FHOD3: variants seen among roughly 807,000 people sequenced by gnomAD.
The protein encoded by FHOD3 is formin homology 2 domain containing 3, also known as FH1/FH2 domain-containing protein 3.
A neutral mutation model predicts 173.0 loss-of-function variants in FHOD3; 90 were observed. The observed-to-expected ratio is 0.52, with a 90% CI of 0.44 to 0.62. The LOEUF is 0.62. Among genes scored for constraint, FHOD3 ranks in the 20% least tolerant of loss-of-function variants. The pLI is 0.00. For synonymous variants in FHOD3, 828 were observed against 823.0 expected, an observed-to-expected ratio of 1.01 and a Z score of -0.10; for missense variants, 1,945 against 2,034.7, an observed-to-expected ratio of 0.96 and a Z score of 0.85.
At chr18:36,662,520 T>G (rs1216688784) in intron 14 of FHOD3, among the ~76,000 whole-genome samples, 1 of 152,210 alleles carries the variant, frequency 6.6e-6, no homozygotes, top group East Asian at 1.9e-4. Context: ...GACACTGACA[T>G]GGCTGTTTTT....
chr18:36,400,996 T>C (rs2048781494), intron 3 of FHOD3, among the ~76,000 whole-genome samples: 1 of 152,176 alleles, frequency 6.6e-6, no homozygotes, highest in African/African-American at 2.4e-5. Flanking sequence ...AAGGCTGACC[T>C]GTTGCTCTGG....
chr18:36,405,118 C>G (rs978217177), intron 3 of FHOD3, among the ~76,000 whole-genome samples: 1 of 152,176 alleles, frequency 6.6e-6, no homozygotes, highest in Non-Finnish European at 1.5e-5. Context: ...TACTTCATTC[C>G]TTATTTATAA....
intron 3 of FHOD3, among the ~76,000 whole-genome samples, chr18:36,482,456 C>CA (rs915600221): frequency 6.6e-6 from 1 of 151,852 alleles, no homozygotes; most frequent in Non-Finnish European, 1.5e-5. Flanking sequence ...CGTGACCCCC[C>CA]CGCCCCGCAA....
At chr18:36,516,237 G>A (rs543535971) in intron 5 of FHOD3, among the ~76,000 whole-genome samples, 2 of 152,244 alleles carry the variant, frequency 1.3e-5, no homozygotes, top group East Asian at 3.9e-4. Context: ...GGTGGGGACT[G>A]GTGAGGGCAG....
intron 17 of FHOD3, among the ~76,000 whole-genome samples, chr18:36,703,407 CAG>C (rs2039694312): frequency 6.6e-6 from 1 of 152,166 alleles, no homozygotes; most frequent in Non-Finnish European, 1.5e-5. Flanking sequence ...ATCAAACAGT[CAG>C]AGAGTAGCCA....
At chr18:36,609,580 G>C (rs2032446663) in intron 8 of FHOD3, among the ~76,000 whole-genome samples, 1 of 151,406 alleles carries the variant, frequency 6.6e-6, no homozygotes, top group Non-Finnish European at 1.5e-5. Context: ...TGAGCAAGGG[G>C]CAAGAGTTTC....
chr18:36,780,106 A>G lies in FHOD3; in HGVS notation c.*576A>G, dbSNP rs927775116. On this transcript the variant is annotated 3_prime_UTR_variant, in exon 29 of 29. Coordinates refer to ENST00000590592, the MANE Select transcript of FHOD3 (RefSeq NM_001281740.3). ...GGAACAGGACCTTAAACAGTTCCAC[A>G]GGCTCGCCTCTTCAGAATGGCAAAA... The G allele has an allele frequency of 4.9e-6, 6 of 1,229,486 alleles. No homozygotes were observed. The highest frequency in any genetic ancestry group is 4.2e-5 in the Admixed American group (1 of 23,730). The allele number at this position is 1,229,486 out of a possible 1,614,324, so 76.2% of individuals were successfully genotyped here.
At chr18:36,515,025 G>A (rs1453981788) in intron 5 of FHOD3, among the ~76,000 whole-genome samples, 1 of 152,216 alleles carries the variant, frequency 6.6e-6, no homozygotes, top group Non-Finnish European at 1.5e-5. Context: ...GTGAGCCACA[G>A]TGAGGCCCCT....
At chr18:36,431,572 G>A (rs921515761) in intron 3 of FHOD3, among the ~76,000 whole-genome samples, 1 of 152,216 alleles carries the variant, frequency 6.6e-6, no homozygotes, top group Non-Finnish European at 1.5e-5. Flanking sequence ...CTGCATTGAA[G>A]CTATGGCTTC....
intron 19 of FHOD3, among the ~76,000 whole-genome samples, chr18:36,720,617 G>A (rs563024402): frequency 6.6e-6 from 1 of 152,100 alleles, no homozygotes. Flanking sequence ...GTGGTTGCTA[G>A]AAGTTACCCA....
chr18:36,631,221 G>A (rs1174736365), intron 10 of FHOD3, among the ~76,000 whole-genome samples: 2 of 152,170 alleles, frequency 1.3e-5, no homozygotes, highest in African/African-American at 4.8e-5. Context: ...CCTAAGGAGT[G>A]GGAAGCACTC....
At chr18:36,779,119 T>C in intron 28 of FHOD3, 2 of 351,446 alleles carry the variant, frequency 5.7e-6, no homozygotes, top group Non-Finnish European at 1.1e-5. Context: ...TCTGCACTTC[T>C]GCAGTTCACC....
chr18:36,727,721 G>A (rs773855937), intron 19 of FHOD3, among the ~76,000 whole-genome samples: 4 of 152,092 alleles, frequency 2.6e-5, no homozygotes, highest in East Asian at 1.9e-4. Flanking sequence ...TGTCAGGCTC[G>A]GGGCCACCAC....
intron 3 of FHOD3, among the ~76,000 whole-genome samples, chr18:36,379,895 TA>T (rs1440102394): frequency 6.6e-6 from 1 of 152,226 alleles, no homozygotes; most frequent in Non-Finnish European, 1.5e-5. Context: ...TGCTTTGTCT[TA>T]TTTATAGAAA....
intron 3 of FHOD3, among the ~76,000 whole-genome samples, chr18:36,491,298 T>C (rs1513852): frequency 0.46 from 69,721 of 151,976 alleles, 16,553 homozygotes; most frequent in South Asian, 0.59. Flanking sequence ...GAAAAAAATA[T>C]TGGGCAAAAA....
At chr18:36,444,279 A>C (rs908674604) in intron 3 of FHOD3, among the ~76,000 whole-genome samples, 2 of 151,320 alleles carry the variant, frequency 1.3e-5, no homozygotes, top group Non-Finnish European at 2.9e-5. Flanking sequence ...AGAGTTACTT[A>C]AGTTCTCTTT....
In FHOD3 at chr18:36,576,562, G is replaced by C. The variant is rs750716412; in HGVS notation, c.606+17G>C. The C allele has an allele frequency of 2.5e-6, 4 of 1,590,320 alleles. No individual in the cohort carries two copies. The highest frequency in any genetic ancestry group is 2.6e-6 in the Non-Finnish European group (3 of 1,163,720). On this transcript the variant is annotated intron_variant, in intron 6 of 28. Coordinates refer to ENST00000590592, the MANE Select transcript of FHOD3 (RefSeq NM_001281740.3). The stretch of plus-strand genomic sequence containing the variant: ...GGGTCAAAGGTAAGGGGAAGTTATG[G>C]TTGACTGTTTTGTTCACTTGTCATA...
chr18:36,583,293 G>A (rs2058919039), intron 6 of FHOD3, among the ~76,000 whole-genome samples: 1 of 152,066 alleles, frequency 6.6e-6, no homozygotes, highest in African/African-American at 2.4e-5. Flanking sequence ...AGAGCTTTGG[G>A]GTCACACACG....
intron 5 of FHOD3, among the ~76,000 whole-genome samples, chr18:36,517,809 T>C (rs1367147733): frequency 1.3e-5 from 2 of 152,224 alleles, no homozygotes; most frequent in African/African-American, 4.8e-5. Flanking sequence ...GGAGATTTGA[T>C]ATTTTTTTAA....
Sources: gnomAD v4.1 joint callset for allele counts (sites outside exome capture counted in the v4.1 genomes callset) on GRCh38, gnomAD v4.1.1 for gene constraint, MANE v1.5 for transcripts, NCBI Gene and HGNC (gene_info 2026-07-23, HGNC 2026-07-21) for gene names.